The following UBE2H variants were observed in gnomAD, a reference collection of about 807,000 sequenced individuals.
The protein encoded by UBE2H is ubiquitin conjugating enzyme E2 H.
UBE2H carries 3 observed loss-of-function variants against 29.0 expected under a neutral mutation model. That is an observed-to-expected ratio of 0.10 (90% confidence interval 0.05 to 0.27). UBE2H has a LOEUF of 0.27. UBE2H is among the 10% of genes least tolerant of loss of function. The pLI, the probability that UBE2H is intolerant of heterozygous loss-of-function variation, is 1.00. For synonymous variants in UBE2H, 69 were observed against 82.9 expected (o/e 0.83, Z 0.91); for missense variants, 68 against 228.2 (o/e 0.30, Z 4.52).
At chr7:129,906,208 C>CT (rs1279357818) in intron 1 of UBE2H, among the ~76,000 whole-genome samples, 107 of 142,500 alleles carry the variant, frequency 7.5e-4, no homozygotes, top group Middle Eastern at 3.5e-3. Flanking sequence ...ATTTTTTTTT[C>CT]TTTCTTTTTT....
chr7:129,940,885 A>T (rs777916178), intron 1 of UBE2H, among the ~76,000 whole-genome samples: 4 of 152,216 alleles, frequency 2.6e-5, no homozygotes, highest in Non-Finnish European at 4.4e-5. Context: ...ACAGCCTCTC[A>T]ACAGACTACT....
chr7:129,921,168 T>G (rs1807154149), intron 1 of UBE2H, among the ~76,000 whole-genome samples: 1 of 152,228 alleles, frequency 6.6e-6, no homozygotes, highest in African/African-American at 2.4e-5. Flanking sequence ...TACCATTATT[T>G]TCTGCTAGAC....
intron 1 of UBE2H, chr7:129,949,140 C>T (rs893122268): frequency 7.3e-5 from 29 of 397,942 alleles, no homozygotes; most frequent in Admixed American, 6.6e-4. Context: ...GGCTGTGCAA[C>T]AGGGTGAGAC....
chr7:129,869,990 T>C (rs947718169), intron 3 of UBE2H, among the ~76,000 whole-genome samples: 3 of 152,192 alleles, frequency 2.0e-5, no homozygotes, highest in East Asian at 3.8e-4. Flanking sequence ...TCTCCCTTTG[T>C]TCCCCTAACT....
chr7:129,914,228 T>G (rs1038387815), intron 1 of UBE2H, among the ~76,000 whole-genome samples: 1 of 151,196 alleles, frequency 6.6e-6, no homozygotes, highest in Non-Finnish European at 1.5e-5. Flanking sequence ...AGTGCAGAGG[T>G]GCAATTTTGG....
intron 1 of UBE2H, among the ~76,000 whole-genome samples, chr7:129,924,796 C>T (rs1179783257): frequency 2.0e-5 from 3 of 151,978 alleles, no homozygotes; most frequent in South Asian, 2.1e-4. Context: ...GGTCTCTGAG[C>T]CGCACAGAGC....
At chr7:129,874,390 G>A (rs1806103836) in intron 3 of UBE2H, among the ~76,000 whole-genome samples, 1 of 151,062 alleles carries the variant, frequency 6.6e-6, no homozygotes, top group African/African-American at 2.4e-5. Flanking sequence ...GCTCCCTGCA[G>A]GCTACGCCTC....
intron 1 of UBE2H, among the ~76,000 whole-genome samples, chr7:129,885,884 T>TA (rs1806350004): frequency 6.6e-6 from 1 of 152,212 alleles, no homozygotes; most frequent in Non-Finnish European, 1.5e-5. Context: ...ATATAATAAT[T>TA]ACTTCACTGC....
chr7:129,919,489 T>C (rs908324186), intron 1 of UBE2H, among the ~76,000 whole-genome samples: 4 of 152,178 alleles, frequency 2.6e-5, no homozygotes, highest in South Asian at 4.1e-4. Flanking sequence ...TCTACAGTCA[T>C]GAACACTCAT....
intron 5 of UBE2H, among the ~76,000 whole-genome samples, chr7:129,841,890 C>T (rs1455802068): frequency 6.6e-6 from 1 of 152,086 alleles, no homozygotes; most frequent in Non-Finnish European, 1.5e-5. Context: ...AGATTTTCAC[C>T]AATGTTTTAT....
intron 2 of UBE2H, among the ~76,000 whole-genome samples, chr7:129,880,366 C>T (rs1161099152): frequency 2.6e-5 from 4 of 152,004 alleles, no homozygotes; most frequent in African/African-American, 9.7e-5. Context: ...ATGAGCTGGG[C>T]GTGGTGGCAG....
chr7:129,925,449 T>C (rs1262765826), intron 1 of UBE2H, among the ~76,000 whole-genome samples: 2 of 151,984 alleles, frequency 1.3e-5, no homozygotes, highest in Non-Finnish European at 2.9e-5. Context: ...TCATGGGAGC[T>C]AGGCCTATAC....
At chr7:129,873,692 C>T (rs1483490717) in intron 3 of UBE2H, among the ~76,000 whole-genome samples, 2 of 151,908 alleles carry the variant, frequency 1.3e-5, no homozygotes, top group Non-Finnish European at 2.9e-5. Context: ...CCCACTTCGG[C>T]CTCCCCAAAA....
chr7:129,949,086 G>A (rs1249526320), intron 1 of UBE2H: 1 of 454,718 alleles, frequency 2.2e-6, no homozygotes, highest in East Asian at 7.0e-5. Context: ...AGCAGCTCTA[G>A]CCTTCAGCAG....
chr7:129,879,831 G>C lies in UBE2H; in HGVS notation c.131-189C>G, dbSNP rs572458748. On this transcript the variant is annotated intron_variant, in intron 2 of 6. Coordinates refer to ENST00000355621, the MANE Select transcript of UBE2H (RefSeq NM_003344.4). The stretch of plus-strand genomic sequence containing the variant: ...AAGATACTTTTCTTGGAAAGATCCA[G>C]AGTTAAAAAATAAGCAGATTCATTC... Among the ~76,000 whole-genome samples, 159 of 152,324 alleles carry C rather than the reference G, an allele frequency of 1.0e-3. 1 individual carries two copies. The highest frequency in any genetic ancestry group is 4.4e-3 in the South Asian group (21 of 4,822).
chr7:129,862,496 A>G (rs1281757795), intron 3 of UBE2H, among the ~76,000 whole-genome samples: 1 of 152,186 alleles, frequency 6.6e-6, no homozygotes, highest in Non-Finnish European at 1.5e-5. Context: ...AAACACAGCA[A>G]AGGAGGAAAA....
intron 1 of UBE2H, among the ~76,000 whole-genome samples, chr7:129,888,887 A>G (rs1806418660): frequency 6.6e-6 from 1 of 152,190 alleles, no homozygotes; most frequent in South Asian, 2.1e-4. Flanking sequence ...GTAATACTAT[A>G]GCTTAGAGTA....
intron 3 of UBE2H, among the ~76,000 whole-genome samples, 178 bp downstream of exon 3, chr7:129,879,390 G>A (rs763935902): frequency 1.5e-4 from 23 of 152,270 alleles, no homozygotes; most frequent in African/African-American, 2.2e-4. Context: ...ATATTTAAAC[G>A]TCTTCTAACA....
intron 1 of UBE2H, among the ~76,000 whole-genome samples, chr7:129,937,626 T>C (rs1476742864): frequency 6.6e-6 from 1 of 152,196 alleles, no homozygotes; most frequent in East Asian, 1.9e-4. Flanking sequence ...TATATGGCAT[T>C]TGATAATCAG....
Sources: gnomAD v4.1 joint callset for allele counts (sites outside exome capture counted in the v4.1 genomes callset) on GRCh38, gnomAD v4.1.1 for gene constraint, MANE v1.5 for transcripts, NCBI Gene and HGNC (gene_info 2026-07-23, HGNC 2026-07-21) for gene names.